Variants in F13B observed in about 807,000 individuals in gnomAD.
The protein encoded by F13B is TGase.
A neutral mutation model predicts 79.8 loss-of-function variants in F13B; 58 were observed. That is an observed-to-expected ratio of 0.73 (90% CI 0.59 to 0.90). The LOEUF (loss-of-function observed/expected upper bound fraction) is 0.90, where lower values mean the gene tolerates loss of function less well. F13B is among the 40% of genes least tolerant of loss of function. The pLI, the probability that F13B is intolerant of heterozygous loss-of-function variation, is 0.00. For missense variants in F13B, 773 were observed against 777.0 expected (o/e 0.99, Z 0.06); for synonymous variants, 283 against 260.3 (o/e 1.09, Z -0.84).
intron 1 of F13B, among the ~76,000 whole-genome samples, chr1:197,063,769 CT>C (rs950421386): frequency 2.2e-4 from 34 of 151,508 alleles, no homozygotes; most frequent in Middle Eastern, 3.4e-3. Context: ...ATTTTACATT[CT>C]TTTTTTTTCT....
chr1:197,040,880 T>C (rs1040999340), intron 10 of F13B, 145 bp from the exon 11 acceptor site: 2 of 634,230 alleles, frequency 3.2e-6, no homozygotes, highest in Middle Eastern at 8.6e-4. Flanking sequence ...TTAATCAGAA[T>C]TAATATTTGA....
chr1:197,042,817 T>C (rs1571549652), intron 10 of F13B, among the ~76,000 whole-genome samples: 1 of 134,260 alleles, frequency 7.4e-6, no homozygotes, highest in African/African-American at 2.7e-5. Flanking sequence ...GGAGACTGTC[T>C]AAAAAAAAAA....
intron 10 of F13B, among the ~76,000 whole-genome samples, chr1:197,040,958 G>A (rs1464805024): frequency 6.6e-6 from 1 of 151,866 alleles, no homozygotes; most frequent in Non-Finnish European, 1.5e-5. Context: ...TGGATTTGGA[G>A]AAAAGGTATT....
At position 197,064,086 on chromosome 1, in the gene F13B, G is replaced by T. The variant is rs17514528; in HGVS notation, c.65-1029C>A. Among the ~76,000 whole-genome samples, 1,124 of 152,250 alleles carry T rather than the reference G, an allele frequency of 7.4e-3. 13 individuals are homozygous for T. Among genetic ancestry groups the T allele is most frequent in the African/African-American group, 0.026 (1,073 of 41,568 alleles). The stretch of plus-strand genomic sequence containing the variant: ...TAGCATTACTAGTCATCAGGGAAAT[G>T]AAAATTTAAACCACCATGAGATACT... On this transcript the variant is annotated intron_variant, in intron 1 of 11. Transcript: ENST00000367412.
chr1:197,055,299 C>T (rs1320668926), intron 8 of F13B, among the ~76,000 whole-genome samples: 1 of 151,832 alleles, frequency 6.6e-6, no homozygotes, highest in Non-Finnish European at 1.5e-5. Context: ...ATATAATATA[C>T]TCTATAATAT....
chr1:197,042,077 T>A (rs1655055945), intron 10 of F13B, among the ~76,000 whole-genome samples: 1 of 152,188 alleles, frequency 6.6e-6, no homozygotes, highest in Admixed American at 6.5e-5. Context: ...AATTTTCAAT[T>A]TAACGTTTTC....
chr1:197,067,147 G>A lies in F13B; in HGVS notation c.64+13C>T. ...TGTTTTAGAGAATAAAGAATATTAA[G>A]AATTAATTTTACCTTCTGCATAGAG... On this transcript the variant is annotated intron_variant, in intron 1 of 11. Transcript: ENST00000367412. The A allele has an allele frequency of 6.7e-7, 1 of 1,499,234 alleles. No individual in the cohort carries two copies. Among genetic ancestry groups the A allele is most frequent in the Non-Finnish European group, 9.3e-7 (1 of 1,078,676 alleles). 92.9% of individuals were successfully genotyped at this position (1,499,234 alleles called of 1,614,324 possible).
chr1:197,063,210 T>G (rs1223335991), intron 1 of F13B, among the ~76,000 whole-genome samples, 153 bp from the exon 2 acceptor site: 1 of 152,234 alleles, frequency 6.6e-6, no homozygotes, highest in Non-Finnish European at 1.5e-5. Flanking sequence ...TTGTGACAAC[T>G]CAAGCAGTCC....
At position 197,040,249 on chromosome 1, in the gene F13B, T is replaced by A. The variant is rs1004041344; in HGVS notation, c.1952+273A>T. The A allele has an allele frequency of 2.8e-5, 11 of 390,320 alleles. No homozygotes were observed. In the South Asian group the frequency reaches 3.4e-4, roughly 12 times the overall value. The allele number at this position is 390,320 out of a possible 1,614,324, so 24.2% of individuals were successfully genotyped here. A position where few individuals can be genotyped will look rare whatever the true frequency, so the allele number is the denominator to read the frequency against. On this transcript the variant is annotated intron_variant, in intron 11 of 11. Coordinates refer to ENST00000367412, the MANE Select transcript of F13B (RefSeq NM_001994.3). ...AGGTTAATTTTTGCACATTGAAATA[T>A]TGCACGTATAAATTGGTTTATTTTT...
At chr1:197,042,125 A>G (rs1484161711) in intron 10 of F13B, among the ~76,000 whole-genome samples, 2 of 152,238 alleles carry the variant, frequency 1.3e-5, no homozygotes, top group Non-Finnish European at 2.9e-5. Flanking sequence ...AACCACAGAA[A>G]GTGAAACCGC....
chr1:197,041,776 T>C (rs1029806328), intron 10 of F13B, among the ~76,000 whole-genome samples: 2 of 152,188 alleles, frequency 1.3e-5, no homozygotes, highest in Non-Finnish European at 2.9e-5. Context: ...TATTATACAC[T>C]GTGGCTTGTA....
At chr1:197,045,227 T>C (rs1655186389) in intron 10 of F13B, among the ~76,000 whole-genome samples, 1 of 152,080 alleles carries the variant, frequency 6.6e-6, no homozygotes. Flanking sequence ...AGGAACTGTT[T>C]TTTTAAAAAA....
In F13B at chr1:197,062,878, A is replaced by C. The variant is rs764860059; in HGVS notation, c.244T>G (p.Ser82Ala). The stretch of plus-strand genomic sequence containing the variant: ...TTACTGAAGCACCTTGGCTCTGGAG[A>C]CCAGCCTTCTGTTGTACACGTGGTT... ...EQTTCTTEGW[S>A]PEPRCFKKCT... Residue 82 changes from serine to alanine, a missense_variant, in exon 2 of 12, where the codon TCT becomes GCT. By Grantham distance (99) the Ser-to-Ala change is moderately conservative (BLOSUM62 1). Coordinates refer to ENST00000367412, the MANE Select transcript of F13B (RefSeq NM_001994.3). 3.7e-6 allele frequency: 6 copies of C among 1,613,832 alleles called. No homozygotes were observed. The highest frequency in any genetic ancestry group is 5.1e-6 in the Non-Finnish European group (6 of 1,179,782).
At chr1:197,044,091 A>G (rs1655140032) in intron 10 of F13B, among the ~76,000 whole-genome samples, 2 of 151,960 alleles carry the variant, frequency 1.3e-5, no homozygotes, top group African/African-American at 2.4e-5. Context: ...AGAAAGAGAG[A>G]GAGGGAGAGA....
intron 10 of F13B, among the ~76,000 whole-genome samples, chr1:197,044,565 T>A (rs1275477733): frequency 6.6e-6 from 1 of 152,112 alleles, no homozygotes; most frequent in African/African-American, 2.4e-5. Context: ...AATGGGAGAC[T>A]TTAACACCCC....
intron 10 of F13B, among the ~76,000 whole-genome samples, chr1:197,048,860 A>T (rs1325597451): frequency 9.2e-5 from 14 of 152,136 alleles, no homozygotes; most frequent in Non-Finnish European, 2.1e-4. Context: ...ACCTAAAGCA[A>T]ATACATGCTT....
At chr1:197,067,081 T>G (rs1656084437) in intron 1 of F13B, 79 bp downstream of exon 1, 1 of 741,096 alleles carries the variant, frequency 1.3e-6, no homozygotes, top group Non-Finnish European at 2.2e-6. Context: ...GAAGAGTATA[T>G]TAAAACTTGA....
intron 10 of F13B, among the ~76,000 whole-genome samples, chr1:197,049,702 G>C (rs1439852243): frequency 6.6e-6 from 1 of 152,128 alleles, no homozygotes; most frequent in African/African-American, 2.4e-5. Flanking sequence ...TTCATGGGAT[G>C]AGGTCAGCAC....
intron 8 of F13B, among the ~76,000 whole-genome samples, chr1:197,053,069 C>A (rs142727566): frequency 6.6e-6 from 1 of 151,830 alleles, no homozygotes; most frequent in Non-Finnish European, 1.5e-5. Flanking sequence ...ATCAAAAATA[C>A]TATTTAAGGG....
Sources: allele counts gnomAD v4.1 joint callset (sites outside exome capture counted in the v4.1 genomes callset), GRCh38; gene constraint gnomAD v4.1.1; transcripts MANE v1.5; gene names NCBI Gene and HGNC (gene_info 2026-07-23, HGNC 2026-07-21).